The following VAT1L variants were observed in gnomAD, a reference collection of about 807,000 sequenced individuals.
The protein encoded by VAT1L is vesicle amine transport 1 like, also known as putative NADPH-dependent quinone oxidoreductase VAT1L.
In VAT1L, 34 loss-of-function variants were observed where a neutral mutation model predicts 44.1. The observed-to-expected ratio is 0.77, with a 90% CI of 0.59 to 1.03. The LOEUF (loss-of-function observed/expected upper bound fraction) is 1.03. Among genes scored for constraint, VAT1L ranks in the 50% least tolerant of loss-of-function variants. The pLI, the probability that VAT1L is intolerant of heterozygous loss-of-function variation, is 0.00. For synonymous variants in VAT1L, 253 were observed against 202.2 expected (o/e 1.25, Z -2.13); for missense variants, 615 against 538.8 (o/e 1.14, Z -1.40).
intron 7 of VAT1L, among the ~76,000 whole-genome samples, chr16:77,941,452 T>G (rs2017882386): frequency 6.6e-6 from 1 of 152,222 alleles, no homozygotes; most frequent in South Asian, 2.1e-4. Flanking sequence ...ATGGCTGATT[T>G]CAAGCTATCA....
At chr16:77,839,495 C>T (rs1186515881) in intron 3 of VAT1L, among the ~76,000 whole-genome samples, 1 of 130,208 alleles carries the variant, frequency 7.7e-6, no homozygotes, top group Non-Finnish European at 1.5e-5. Flanking sequence ...GAAATCGCGC[C>T]ACTGCACTCC....
chr16:77,811,668 A>G (rs1372331843), intron 1 of VAT1L, among the ~76,000 whole-genome samples: 1 of 152,198 alleles, frequency 6.6e-6, no homozygotes, highest in Non-Finnish European at 1.5e-5. Flanking sequence ...AACATGTAGC[A>G]GTATCATCAC....
chr16:77,950,263 G>C (rs908529744), intron 7 of VAT1L, among the ~76,000 whole-genome samples: 2 of 152,112 alleles, frequency 1.3e-5, no homozygotes, highest in African/African-American at 4.8e-5. Flanking sequence ...ACAAAAATTA[G>C]CCAGGTGTGG....
At chr16:77,897,476 T>C (rs1457430165) in intron 7 of VAT1L, among the ~76,000 whole-genome samples, 1 of 152,186 alleles carries the variant, frequency 6.6e-6, no homozygotes, top group African/African-American at 2.4e-5. Flanking sequence ...TTTTGTTTTT[T>C]GTTTTGTGTT....
chr16:77,956,908 C>T (rs760726149), intron 7 of VAT1L, among the ~76,000 whole-genome samples: 19 of 152,286 alleles, frequency 1.2e-4, no homozygotes, highest in Non-Finnish European at 2.2e-4. Flanking sequence ...GTGTAGACAA[C>T]AGTTATATAT....
chr16:77,974,551 G>C (rs897674701), intron 8 of VAT1L, among the ~76,000 whole-genome samples: 3 of 152,094 alleles, frequency 2.0e-5, no homozygotes, highest in Non-Finnish European at 4.4e-5. Context: ...CATTGTCCTT[G>C]TTTCTGAACC....
At chr16:77,878,868 T>G (rs1470308431) in intron 5 of VAT1L, among the ~76,000 whole-genome samples, 1 of 152,170 alleles carries the variant, frequency 6.6e-6, no homozygotes, top group African/African-American at 2.4e-5. Flanking sequence ...AAAAGACATT[T>G]CAGCAACTCA....
intron 1 of VAT1L, among the ~76,000 whole-genome samples, chr16:77,797,376 G>T (rs1224987057): frequency 1.3e-5 from 2 of 152,180 alleles, no homozygotes; most frequent in African/African-American, 4.8e-5. Flanking sequence ...CTCCCAAAGT[G>T]CTGGGATTAC....
intron 7 of VAT1L, among the ~76,000 whole-genome samples, chr16:77,889,960 G>A (rs1489130693): frequency 6.6e-6 from 1 of 152,040 alleles, no homozygotes; most frequent in Non-Finnish European, 1.5e-5. Context: ...TGGTGGCAAC[G>A]CCTATAGTCC....
At chr16:77,898,618 C>G (rs2017349045) in intron 7 of VAT1L, among the ~76,000 whole-genome samples, 1 of 127,312 alleles carries the variant, frequency 7.9e-6, no homozygotes, top group Non-Finnish European at 1.6e-5. Context: ...GTGTGCAGGG[C>G]TTAAGGCATG....
intron 2 of VAT1L, among the ~76,000 whole-genome samples, chr16:77,823,299 T>G (rs932077024): frequency 5.3e-5 from 8 of 152,150 alleles, no homozygotes; most frequent in African/African-American, 1.9e-4. Context: ...GCTTTTGGCT[T>G]AAGACTGCAT....
chr16:77,829,241 C>T (rs372156501), intron 3 of VAT1L, among the ~76,000 whole-genome samples: 13 of 152,274 alleles, frequency 8.5e-5, no homozygotes, highest in East Asian at 7.7e-4. Context: ...ATCCAAAAGA[C>T]GGGCCCAGGT....
rs1264454215 is a variant in VAT1L, at chr16:77,825,404, A to G, written c.522A>G (p.Glu174=). The G allele has an allele frequency of 6.2e-7, 1 of 1,612,690 alleles. No homozygotes were observed. Among genetic ancestry groups the G allele is most frequent in the South Asian group, 1.1e-5 (1 of 90,630 alleles). ...TCACAGCCTATGTGATGCTGTTTGA[A>G]GTTGCCAACCTCCGGGAAGGGATGT... The part of the protein sequence containing the change: ...NFVTAYVMLF[E]VANLREGMSV... The change falls in exon 3 of 9, where the codon GAA becomes GAG. Residue 174 remains glutamate, a synonymous_variant. Coordinates refer to ENST00000302536, the MANE Select transcript of VAT1L (RefSeq NM_020927.3).
chr16:77,821,943 G>A (rs1457639822), intron 2 of VAT1L, among the ~76,000 whole-genome samples: 1 of 152,126 alleles, frequency 6.6e-6, no homozygotes, highest in East Asian at 1.9e-4. Flanking sequence ...AGAAATAGTA[G>A]ATACAAAAGC....
At chr16:77,825,213 G>T in intron 2 of VAT1L, 33 bp from the exon 3 acceptor site, 1 of 1,611,214 alleles carries the variant, frequency 6.2e-7, no homozygotes, top group Non-Finnish European at 8.5e-7. Context: ...TCATGAGGTA[G>T]CCTCCACTAA....
chr16:77,966,269 T>A (rs1196997030), intron 7 of VAT1L, among the ~76,000 whole-genome samples: 2 of 152,192 alleles, frequency 1.3e-5, no homozygotes, highest in Admixed American at 1.3e-4. Context: ...GATGTGTAAC[T>A]TACAAGGCTG....
chr16:77,885,137 G>A (rs2017197185), intron 7 of VAT1L, among the ~76,000 whole-genome samples: 2 of 152,170 alleles, frequency 1.3e-5, no homozygotes, highest in South Asian at 4.1e-4. Context: ...GTCACCTTGT[G>A]AGTACATAAG....
At chr16:77,942,767 CAG>C (rs1280704686) in intron 7 of VAT1L, among the ~76,000 whole-genome samples, 2 of 151,966 alleles carry the variant, frequency 1.3e-5, no homozygotes, top group African/African-American at 2.4e-5. Context: ...TTTTTTGAGA[CAG>C]AGTCTCACTC....
intron 3 of VAT1L, among the ~76,000 whole-genome samples, chr16:77,844,856 A>ATG (rs1227429675): frequency 2.1e-5 from 3 of 139,568 alleles, no homozygotes; most frequent in Non-Finnish European, 3.2e-5. Flanking sequence ...GTGTGTGTGC[A>ATG]TGTGTATATA....
Sources: gnomAD v4.1 joint callset for allele counts (sites outside exome capture counted in the v4.1 genomes callset) on GRCh38, gnomAD v4.1.1 for gene constraint, MANE v1.5 for transcripts, NCBI Gene and HGNC (gene_info 2026-07-23, HGNC 2026-07-21) for gene names.